The following CCDC102B variants were observed in gnomAD, a reference collection of about 807,000 sequenced individuals.
The protein encoded by CCDC102B is coiled-coil domain containing 102B.
A neutral mutation model predicts 57.4 loss-of-function variants in CCDC102B; 75 were observed. The ratio of observed to expected loss-of-function variants is 1.31; its 90% CI spans 1.08 to 1.58. The LOEUF (loss-of-function observed/expected upper bound fraction) is 1.58. Among genes scored for constraint, CCDC102B ranks in the 40% most tolerant of loss-of-function variants. The pLI is 0.00. For synonymous variants in CCDC102B, 206 were observed against 201.9 expected (o/e 1.02, Z -0.17); for missense variants, 636 against 582.6 (o/e 1.09, Z -0.94).
intron 3 of CCDC102B, among the ~76,000 whole-genome samples, chr18:68,839,193 T>G (rs2037516897): frequency 6.6e-6 from 1 of 152,236 alleles, no homozygotes; most frequent in African/African-American, 2.4e-5. Flanking sequence ...TAATTGTATA[T>G]GAATTCTTAA....
At chr18:68,833,780 A>G (rs1235264499) in intron 1 of CCDC102B, among the ~76,000 whole-genome samples, 3 of 152,142 alleles carry the variant, frequency 2.0e-5, no homozygotes, top group African/African-American at 7.2e-5. Flanking sequence ...TACTTTGTAG[A>G]CCCTTAACAT....
At chr18:68,829,762 C>T (rs184213465) in intron 1 of CCDC102B, among the ~76,000 whole-genome samples, 2 of 152,036 alleles carry the variant, frequency 1.3e-5, no homozygotes, top group Admixed American at 6.5e-5. Context: ...ATATGGTAAA[C>T]GGTTTAGGAA....
intron 5 of CCDC102B, among the ~76,000 whole-genome samples, chr18:68,881,935 C>G (rs184671394): frequency 5.2e-4 from 79 of 152,164 alleles, no homozygotes; most frequent in Non-Finnish European, 9.1e-4. Context: ...GAATATAACT[C>G]TCCTATGCTA....
At chr18:68,991,724 T>A (rs1202877968) in intron 6 of CCDC102B, among the ~76,000 whole-genome samples, 1 of 152,224 alleles carries the variant, frequency 6.6e-6, no homozygotes, top group African/African-American at 2.4e-5. Context: ...ATATTTGCAA[T>A]TCTTTAGAAG....
chr18:68,847,450 G>C (rs1055654199), intron 4 of CCDC102B, among the ~76,000 whole-genome samples: 21 of 151,790 alleles, frequency 1.4e-4, no homozygotes, highest in Admixed American at 6.6e-4. Context: ...ACTACCTCTT[G>C]CCACTAGTGT....
intron 5 of CCDC102B, among the ~76,000 whole-genome samples, chr18:68,875,762 A>G (rs1175998818): frequency 6.6e-6 from 1 of 152,130 alleles, no homozygotes; most frequent in Non-Finnish European, 1.5e-5. Flanking sequence ...TAATCATGAA[A>G]CAGGATTTTG....
intron 7 of CCDC102B, among the ~76,000 whole-genome samples, chr18:69,022,139 C>T (rs1296997827): frequency 2.0e-5 from 3 of 151,166 alleles, no homozygotes; most frequent in Non-Finnish European, 2.9e-5. Flanking sequence ...CTTTTGTTAG[C>T]TTTGCCTCCC....
At chr18:68,879,692 C>G (rs1019977463) in intron 5 of CCDC102B, among the ~76,000 whole-genome samples, 1 of 151,840 alleles carries the variant, frequency 6.6e-6, no homozygotes, top group African/African-American at 2.4e-5. Flanking sequence ...TACAGAGTGC[C>G]GATTGGTGTA....
At chr18:68,954,168 C>T (rs2049778501) in intron 6 of CCDC102B, among the ~76,000 whole-genome samples, 1 of 152,018 alleles carries the variant, frequency 6.6e-6, no homozygotes. Context: ...CTATATAATC[C>T]TAGCACTTTG....
At chr18:68,935,310 GC>G (rs2049201760) in intron 6 of CCDC102B, among the ~76,000 whole-genome samples, 1 of 151,962 alleles carries the variant, frequency 6.6e-6, no homozygotes, top group South Asian at 2.1e-4. Context: ...GAGAAGATGT[GC>G]TGATGGATGA....
intron 2 of CCDC102B, among the ~76,000 whole-genome samples, chr18:68,769,128 C>T (rs988530724): frequency 7.2e-5 from 11 of 151,832 alleles, no homozygotes; most frequent in African/African-American, 2.7e-4. Context: ...TGGTGCATGC[C>T]TGTAATCCTA....
intron 6 of CCDC102B, among the ~76,000 whole-genome samples, chr18:69,004,890 G>A (rs2060079): frequency 0.86 from 130,620 of 152,120 alleles, 57,984 homozygotes; most frequent in Non-Finnish European, 0.97. Context: ...TTTGACACAT[G>A]AGATGTTAAG....
intron 2 of CCDC102B, among the ~76,000 whole-genome samples, chr18:68,737,410 A>C (rs2033184411): frequency 6.6e-6 from 1 of 150,622 alleles, no homozygotes; most frequent in Admixed American, 6.7e-5. Flanking sequence ...TCCCTTCTCC[A>C]CCAGCGTTAT....
chr18:68,777,614 T>G (rs2034867283), intron 2 of CCDC102B, among the ~76,000 whole-genome samples: 2 of 152,154 alleles, frequency 1.3e-5, no homozygotes, highest in Non-Finnish European at 2.9e-5. Flanking sequence ...TATTTAGATC[T>G]CTATGCTTGC....
At chr18:68,908,914 G>C (rs1339024273) in intron 6 of CCDC102B, among the ~76,000 whole-genome samples, 2 of 151,930 alleles carry the variant, frequency 1.3e-5, no homozygotes, top group Non-Finnish European at 2.9e-5. Context: ...GTGTTTAAGT[G>C]GCTCTTCTTG....
chr18:68,808,536 G>C (rs189250385), intron 1 of CCDC102B, among the ~76,000 whole-genome samples: 19 of 139,988 alleles, frequency 1.4e-4, no homozygotes, highest in Middle Eastern at 4.0e-3. Context: ...GGACTGCAGT[G>C]GCGCTATCTC....
At chr18:69,004,004 G>A (rs997189944) in intron 6 of CCDC102B, among the ~76,000 whole-genome samples, 6 of 152,092 alleles carry the variant, frequency 3.9e-5, no homozygotes, top group East Asian at 1.9e-4. Context: ...ACATATTCAA[G>A]CATTGTTACT....
At chr18:68,759,032 C>T (rs1378596885) in intron 2 of CCDC102B, among the ~76,000 whole-genome samples, 1 of 145,482 alleles carries the variant, frequency 6.9e-6, no homozygotes, top group Non-Finnish European at 1.5e-5. Flanking sequence ...AACAAACAAA[C>T]AAACAAAAAA....
chr18:68,982,907 AT>A (rs796130393), intron 6 of CCDC102B, among the ~76,000 whole-genome samples: 63 of 151,998 alleles, frequency 4.1e-4, no homozygotes, highest in African/African-American at 1.5e-3. Context: ...TATCTCACAT[AT>A]TTTTCTTACA....
Sources: allele counts gnomAD v4.1 joint callset (sites outside exome capture counted in the v4.1 genomes callset), GRCh38; gene constraint gnomAD v4.1.1; transcripts MANE v1.5; gene names NCBI Gene and HGNC (gene_info 2026-07-23, HGNC 2026-07-21).